SLC16A10: variants seen among roughly 807,000 people sequenced by gnomAD.
SLC16A10 encodes monocarboxylate transporter 10.
In SLC16A10, 27 loss-of-function variants were observed where a neutral mutation model predicts 40.0. The observed-to-expected ratio is 0.67, with a 90% CI of 0.50 to 0.93. The LOEUF is 0.93. Among genes scored for constraint, SLC16A10 ranks in the 40% least tolerant of loss-of-function variants. The pLI is 0.00. For synonymous variants in SLC16A10, 213 were observed against 249.8 expected (o/e 0.85, Z 1.39); for missense variants, 529 against 658.2 (o/e 0.80, Z 2.15).
At chr6:111,178,013 A>T (rs995133832) in intron 3 of SLC16A10, among the ~76,000 whole-genome samples, 4 of 152,218 alleles carry the variant, frequency 2.6e-5, no homozygotes, top group African/African-American at 9.6e-5. Context: ...ACCTCTAAAA[A>T]TAAAATAAAT....
intron 3 of SLC16A10, among the ~76,000 whole-genome samples, chr6:111,203,140 A>G (rs1773199702): frequency 1.3e-5 from 2 of 152,138 alleles, no homozygotes; most frequent in African/African-American, 4.8e-5. Context: ...TTTGTCCTAT[A>G]TTCACTTTCT....
chr6:111,124,746 A>G (rs980593971), intron 1 of SLC16A10, among the ~76,000 whole-genome samples: 7 of 152,246 alleles, frequency 4.6e-5, no homozygotes, highest in African/African-American at 2.4e-5. Context: ...AATAATTTTC[A>G]GTGTAATCTT....
At chr6:111,167,882 C>T (rs964250370) in intron 1 of SLC16A10, among the ~76,000 whole-genome samples, 1 of 151,968 alleles carries the variant, frequency 6.6e-6, no homozygotes, top group African/African-American at 2.4e-5. Flanking sequence ...GCTTTGTTGC[C>T]CAGGCTGGGC....
At chr6:111,163,834 C>A (rs999819873) in intron 1 of SLC16A10, among the ~76,000 whole-genome samples, 2 of 152,144 alleles carry the variant, frequency 1.3e-5, no homozygotes, top group African/African-American at 4.8e-5. Context: ...AAGGTAAAAA[C>A]CTTTACTCAT....
chr6:111,118,538 G>A (rs906002061), intron 1 of SLC16A10, among the ~76,000 whole-genome samples: 7 of 152,028 alleles, frequency 4.6e-5, no homozygotes, highest in African/African-American at 1.7e-4. Context: ...AAAATTAGCT[G>A]GGCGTGCTGG....
In SLC16A10 at chr6:111,087,541, T is replaced by A. The variant is rs1318082700; in HGVS notation, c.-212T>A. 4.4e-5 allele frequency: 9 copies of A among 205,388 alleles called. No homozygotes were observed. Among genetic ancestry groups the A allele is most frequent in the Non-Finnish European group, 7.7e-5 (8 of 104,516 alleles). 12.7% of individuals were successfully genotyped at this position (205,388 alleles called of 1,614,324 possible). On this transcript the variant is annotated 5_prime_UTR_variant, in exon 1 of 6. Transcript: ENST00000368851. ...GGGCTGTGACCTAGAGGCTTCAGTG[T>A]CGATCCCCGAGGTGTTCGCGCGCGC...
rs193274605 is a variant in SLC16A10 at position 111,110,464 on chromosome 6, G to C, written c.343+22369G>C. Among the ~76,000 whole-genome samples the C allele has an allele frequency of 2.6e-5, 4 of 152,194 alleles. No individual in the cohort carries two copies. The East Asian group carries it at 7.7e-4, about 29-fold the overall frequency. On this transcript the variant is annotated intron_variant, in intron 1 of 5. Transcript: ENST00000368851. Reference sequence around the variant, plus strand: ...ATTGATGGGGTAAGGTTCATGAGCAGATCAGATCTTTACAAGGAAGGTTCT... The same window carrying C: ...ATTGATGGGGTAAGGTTCATGAGCACATCAGATCTTTACAAGGAAGGTTCT...
At chr6:111,218,785 C>A (rs750954511) in intron 4 of SLC16A10, 29 bp from the exon 5 acceptor site, 1 of 1,585,096 alleles carries the variant, frequency 6.3e-7, no homozygotes, top group Non-Finnish European at 8.7e-7. Flanking sequence ...TTCCTGCGAG[C>A]GGAGCTGACC....
chr6:111,208,724 A>G (rs190480050), intron 4 of SLC16A10, among the ~76,000 whole-genome samples: 1 of 152,300 alleles, frequency 6.6e-6, no homozygotes, highest in East Asian at 1.9e-4. Context: ...GTCTCTTTCC[A>G]TAGAGAAAGA....
intron 2 of SLC16A10, chr6:111,173,567 A>G (rs572412000): frequency 1.3e-5 from 2 of 152,314 alleles, no homozygotes; most frequent in South Asian, 4.2e-4. Context: ...GCTGCTCCCC[A>G]TTACTTGCAT....
intron 1 of SLC16A10, among the ~76,000 whole-genome samples, chr6:111,162,240 C>T (rs1772383973): frequency 6.6e-6 from 1 of 152,142 alleles, no homozygotes; most frequent in Admixed American, 6.5e-5. Flanking sequence ...TTCACACAGG[C>T]TTTTAAAATT....
At chr6:111,089,859 A>C (rs1303309943) in intron 1 of SLC16A10, among the ~76,000 whole-genome samples, 1 of 103,916 alleles carries the variant, frequency 9.6e-6, no homozygotes, top group African/African-American at 3.6e-5. Context: ...TTTGTTTATC[A>C]TTGTTTTTGC....
intron 1 of SLC16A10, among the ~76,000 whole-genome samples, chr6:111,170,641 G>A (rs1303618834): frequency 1.3e-5 from 2 of 151,956 alleles, no homozygotes; most frequent in Non-Finnish European, 2.9e-5. Context: ...TAGAGGCGGA[G>A]TTTCACCATG....
chr6:111,114,465 G>A (rs1443654342), intron 1 of SLC16A10, among the ~76,000 whole-genome samples: 1 of 152,124 alleles, frequency 6.6e-6, no homozygotes, highest in Non-Finnish European at 1.5e-5. Flanking sequence ...CACTTAAATT[G>A]TGATGTAATG....
At chr6:111,131,256 A>T (rs887422377) in intron 1 of SLC16A10, among the ~76,000 whole-genome samples, 2 of 152,164 alleles carry the variant, frequency 1.3e-5, no homozygotes, top group South Asian at 4.1e-4. Flanking sequence ...GCCGCTCCCA[A>T]TCGGGCTAGG....
At chr6:111,204,764 C>G (rs1773227868) in intron 3 of SLC16A10, among the ~76,000 whole-genome samples, 1 of 152,114 alleles carries the variant, frequency 6.6e-6, no homozygotes, top group Non-Finnish European at 1.5e-5. Flanking sequence ...CACACAAAAT[C>G]CGGATTTCTG....
At position 111,148,613 on chromosome 6, in the gene SLC16A10, A is replaced by T. The variant is rs1388308600; in HGVS notation, c.344-24082A>T. 2.0e-5 allele frequency among the ~76,000 whole-genome samples: 3 copies of T among 152,206 alleles called. No homozygotes were observed. In the East Asian group the frequency reaches 5.8e-4, roughly 29 times the overall value. ...TTGTTTGTGCATGACAACTTTAGGA[A>T]GGTGTACTCCAAATGTCTCCAAAGG... On this transcript the variant is annotated intron_variant, in intron 1 of 5. Coordinates refer to ENST00000368851, the MANE Select transcript of SLC16A10 (RefSeq NM_018593.5).
intron 1 of SLC16A10, among the ~76,000 whole-genome samples, chr6:111,100,028 A>C (rs1431583465): frequency 2.6e-5 from 4 of 152,078 alleles, no homozygotes; most frequent in Non-Finnish European, 5.9e-5. Flanking sequence ...TCTCAAAAAA[A>C]AAAAAAAAAA....
chr6:111,173,017 T>C (rs1359705701), intron 2 of SLC16A10, among the ~76,000 whole-genome samples, 178 bp downstream of exon 2: 4 of 152,226 alleles, frequency 2.6e-5, no homozygotes, highest in East Asian at 1.9e-4. Context: ...CTTGAGAATT[T>C]GAATGCTTTT....
Sources: allele counts gnomAD v4.1 joint callset (sites outside exome capture counted in the v4.1 genomes callset), GRCh38; gene constraint gnomAD v4.1.1; transcripts MANE v1.5; gene names NCBI Gene and HGNC (gene_info 2026-07-23, HGNC 2026-07-21).